Variants in NRXN2 observed in about 807,000 individuals in gnomAD.
The protein encoded by NRXN2 is neurexin-2-beta.
NRXN2 carries 29 observed loss-of-function variants against 128.8 expected under a neutral mutation model. The ratio of observed to expected loss-of-function variants is 0.23; its 90% confidence interval spans 0.17 to 0.31. The LOEUF (loss-of-function observed/expected upper bound fraction) is 0.31, where lower values mean the gene tolerates loss of function less well. NRXN2 is among the 10% of genes least tolerant of loss of function. The probability of loss-of-function intolerance (pLI) is 1.00; values close to 1 mark genes in which losing one functional copy is unlikely to be tolerated. For synonymous variants in NRXN2, 1,098 were observed against 1,075.2 expected, an observed-to-expected ratio of 1.02 and a Z score of -0.41; for missense variants, 1,881 against 2,452.6, an observed-to-expected ratio of 0.77 and a Z score of 4.92.
intron 11 of NRXN2, 29 bp from the exon 12 acceptor site, chr11:64,653,751 G>T (rs1428558246): frequency 2.6e-6 from 4 of 1,527,230 alleles, no homozygotes; most frequent in East Asian, 4.6e-5. Context: ...GGGCAGAGGG[G>T]AAGGGGAGAC....
At chr11:64,613,504 C>T (rs541163790) in intron 22 of NRXN2, among the ~76,000 whole-genome samples, 2 of 152,298 alleles carry the variant, frequency 1.3e-5, no homozygotes, top group African/African-American at 4.8e-5. Context: ...GGGCACTGCC[C>T]GTACCAGTGC....
intron 17 of NRXN2, chr11:64,643,452 CG>C (rs2046096061): frequency 5.6e-6 from 1 of 178,116 alleles, no homozygotes; most frequent in African/African-American, 2.5e-5. Flanking sequence ...AGGAGGGGAG[CG>C]GGGCTGAGCC....
intron 7 of NRXN2, among the ~76,000 whole-genome samples, chr11:64,672,420 C>T (rs1465603705): frequency 2.6e-5 from 4 of 152,206 alleles, no homozygotes; most frequent in Admixed American, 1.3e-4. Context: ...TTATCAGTTG[C>T]CTGTGATGAT....
intron 11 of NRXN2, among the ~76,000 whole-genome samples, chr11:64,654,859 C>T (rs2048023270): frequency 6.6e-6 from 1 of 152,206 alleles, no homozygotes; most frequent in South Asian, 2.1e-4. Context: ...CTCACTAACT[C>T]ACTGTGTGAC....
rs76737574 is a variant in NRXN2, at chr11:64,690,957, C to T, written c.779-481G>A. Among the ~76,000 whole-genome samples, 974 of 152,300 alleles carry T rather than the reference C, an allele frequency of 6.4e-3. 8 individuals are homozygous for T. Among genetic ancestry groups the T allele is most frequent in the African/African-American group, 0.022 (926 of 41,556 alleles). On this transcript the variant is annotated intron_variant, in intron 4 of 22. Transcript: ENST00000265459. ...CTTCCCAACTCGTTCAAAAGCCTGACGCAGACACCCCCTCCTCCAGAAACT... is the reference window on the plus strand; with the variant it reads ...CTTCCCAACTCGTTCAAAAGCCTGATGCAGACACCCCCTCCTCCAGAAACT...
intron 5 of NRXN2, 47 bp downstream of exon 5, chr11:64,690,358 C>A: frequency 6.4e-7 from 1 of 1,555,740 alleles, no homozygotes; most frequent in South Asian, 1.1e-5. Flanking sequence ...AGTTAGCCTG[C>A]AGCAGGATGA....
At chr11:64,673,600 G>A (rs751810621) in intron 7 of NRXN2, among the ~76,000 whole-genome samples, 13 of 152,216 alleles carry the variant, frequency 8.5e-5, no homozygotes, top group Non-Finnish European at 1.9e-4. Flanking sequence ...ATGCAGGAAA[G>A]TGCAGACTTT....
At chr11:64,615,790 AAGTG>A (rs1457099530) in intron 22 of NRXN2, among the ~76,000 whole-genome samples, 2 of 152,118 alleles carry the variant, frequency 1.3e-5, no homozygotes, top group Non-Finnish European at 2.9e-5. Flanking sequence ...TGGAGCACAG[AAGTG>A]CACTTGCACC....
intron 7 of NRXN2, among the ~76,000 whole-genome samples, chr11:64,671,675 A>T (rs2050658779): frequency 6.6e-6 from 1 of 152,090 alleles, no homozygotes; most frequent in East Asian, 1.9e-4. Context: ...CGTGCGGGGC[A>T]GGGGCACTGG....
chr11:64,700,706 T>C (rs912355213), intron 2 of NRXN2, among the ~76,000 whole-genome samples: 1 of 152,188 alleles, frequency 6.6e-6, no homozygotes, highest in Admixed American at 6.5e-5. Flanking sequence ...CTGACCCTCT[T>C]GGCAGAGGTA....
At chr11:64,671,376 T>C (rs951057189) in intron 7 of NRXN2, among the ~76,000 whole-genome samples, 1 of 152,028 alleles carries the variant, frequency 6.6e-6, no homozygotes, top group Non-Finnish European at 1.5e-5. Flanking sequence ...GACTGTTCCC[T>C]CAGACGAATC....
At chr11:64,655,592 T>A (rs192405296) in intron 11 of NRXN2, among the ~76,000 whole-genome samples, 2 of 152,068 alleles carry the variant, frequency 1.3e-5, no homozygotes, top group African/African-American at 4.8e-5. Flanking sequence ...GGTCCCCTAC[T>A]GGGGAAAAGA....
chr11:64,686,180 G>A (rs955249301), intron 5 of NRXN2, among the ~76,000 whole-genome samples: 1 of 152,188 alleles, frequency 6.6e-6, no homozygotes, highest in African/African-American at 2.4e-5. Context: ...CAAACCAGGA[G>A]GCTGCTAAGT....
At chr11:64,676,062 CCT>C (rs549707563) in intron 7 of NRXN2, 42 of 152,738 alleles carry the variant, frequency 2.7e-4, no homozygotes, top group African/African-American at 1.0e-3. Context: ...CAGGCCTCCT[CCT>C]CTCGCTCCCC....
In NRXN2 at chr11:64,713,950, G is replaced by C. The variant is rs1184988825; in HGVS notation, c.-244-7C>G. 1 of 158,230 alleles carries C rather than the reference G, an allele frequency of 6.3e-6. No homozygotes were observed. Among genetic ancestry groups the C allele is most frequent in the Admixed American group, 6.4e-5 (1 of 15,532 alleles). The allele number at this position is 158,230 out of a possible 1,614,324, so 9.8% of individuals were successfully genotyped here. On this transcript the variant is annotated splice_region_variant and splice_polypyrimidine_tract_variant and intron_variant, in intron 1 of 22. Coordinates refer to ENST00000265459, the MANE Select transcript of NRXN2 (RefSeq NM_015080.4). ...GAAGAGCAGGGAGGGATGCCTGCGG[G>C]AGAACAGAGAGGAAAGGGTTAATGA...
At chr11:64,695,850 G>A (rs897701691) in intron 3 of NRXN2, among the ~76,000 whole-genome samples, 4 of 151,960 alleles carry the variant, frequency 2.6e-5, no homozygotes, top group South Asian at 2.1e-4. Flanking sequence ...GCGAGGTGGC[G>A]TCCACAGGCC....
At chr11:64,615,612 CAT>C (rs1164240251) in intron 22 of NRXN2, among the ~76,000 whole-genome samples, 5 of 152,218 alleles carry the variant, frequency 3.3e-5, no homozygotes, top group Non-Finnish European at 5.9e-5. Context: ...TCTGAATACA[CAT>C]GTGTGTATGT....
At chr11:64,719,935 T>C (rs2057391855) in intron 1 of NRXN2, among the ~76,000 whole-genome samples, 1 of 152,222 alleles carries the variant, frequency 6.6e-6, no homozygotes, top group Non-Finnish European at 1.5e-5. Context: ...GGACCTTCTA[T>C]GTGTCTTACA....
intron 11 of NRXN2, among the ~76,000 whole-genome samples, chr11:64,655,046 G>A (rs1215660530): frequency 1.3e-5 from 2 of 152,198 alleles, no homozygotes; most frequent in African/African-American, 4.8e-5. Context: ...CTGGCCTCCT[G>A]TCGCTCCACC....
Sources: gnomAD v4.1 joint callset for allele counts (sites outside exome capture counted in the v4.1 genomes callset) on GRCh38, gnomAD v4.1.1 for gene constraint, MANE v1.5 for transcripts, NCBI Gene and HGNC (gene_info 2026-07-23, HGNC 2026-07-21) for gene names.